NAA11: variants seen among roughly 807,000 people sequenced by gnomAD.
The protein encoded by NAA11 is N-alpha-acetyltransferase 11.
NAA11 carries 15 observed loss-of-function variants against 16.1 expected under a neutral mutation model. The observed-to-expected ratio is 0.93, with a 90% confidence interval of 0.62 to 1.44. NAA11 has a LOEUF of 1.44. Among genes scored for constraint, NAA11 ranks in the 40% most tolerant of loss-of-function variants. The pLI, the probability that NAA11 is intolerant of heterozygous loss-of-function variation, is 0.00. For missense variants in NAA11, 298 were observed against 291.3 expected (o/e 1.02, Z -0.17); for synonymous variants, 122 against 112.4 (o/e 1.09, Z -0.54).
the NAA11 span, among the ~76,000 whole-genome samples, chr4:79,210,141 C>T: frequency 4.3e-3 from 654 of 152,078 alleles, 1 homozygote; most frequent in Admixed American, 0.011. Flanking sequence ...TTGATTCACT[C>T]GGGTGCGAGT....
chr4:79,325,289 G>A lies in NAA11; in HGVS notation c.589C>T (p.Pro197Ser), dbSNP rs766302705. The change falls in exon 1 of 2, where the codon CCG becomes TCG. Residue 197 changes from proline to serine, a missense_variant. Pro to Ser is a moderately conservative substitution (Grantham distance 74, BLOSUM62 -1). Coordinates refer to ENST00000286794, the MANE Select transcript of NAA11 (RefSeq NM_032693.3). ...TCACTGCCACTTTCTTCGGTAGCCG[G>A]GTTCTTTTGCTGACAGGCCTCTTCA... ...DSEEACQQKN[P>S]ATEESGSDSK... 2.5e-6 allele frequency: 4 copies of A among 1,613,836 alleles called. No individual in the cohort carries two copies. In the South Asian group the frequency reaches 4.4e-5, roughly 18 times the overall value.
intron 2 of NAA11, among the ~76,000 whole-genome samples, chr4:79,236,399 C>T (rs1252053912): frequency 6.6e-6 from 1 of 151,792 alleles, no homozygotes; most frequent in African/African-American, 2.4e-5. Context: ...AAATAACAAA[C>T]CTCCCCTTAA....
chr4:79,298,223 C>T (rs1299746242), intron 1 of NAA11, among the ~76,000 whole-genome samples: 2 of 152,228 alleles, frequency 1.3e-5, no homozygotes, highest in East Asian at 3.9e-4. Flanking sequence ...CGCTCCTCTT[C>T]GTCTTGCTCA....
At chr4:79,272,560 C>A (rs6839925) in intron 2 of NAA11, among the ~76,000 whole-genome samples, 1 of 151,054 alleles carries the variant, frequency 6.6e-6, no homozygotes, top group Non-Finnish European at 1.5e-5. Flanking sequence ...CATTATAAGC[C>A]CTTAACTTTT....
intron 2 of NAA11, among the ~76,000 whole-genome samples, chr4:79,289,657 G>C (rs1723034072): frequency 2.6e-5 from 4 of 152,070 alleles, no homozygotes; most frequent in Admixed American, 1.3e-4. Flanking sequence ...TTTGAATTCA[G>C]AACAGTATGA....
At chr4:79,292,202 A>T (rs906265145) in intron 2 of NAA11, among the ~76,000 whole-genome samples, 1 of 152,210 alleles carries the variant, frequency 6.6e-6, no homozygotes, top group African/African-American at 2.4e-5. Context: ...TTTGACACAC[A>T]GCCTCTTCTT....
chr4:79,200,274 G>T, the NAA11 span, among the ~76,000 whole-genome samples: 1 of 151,734 alleles, frequency 6.6e-6, no homozygotes, highest in African/African-American at 2.4e-5. Context: ...AAACTCAGAA[G>T]AATACTTGAC....
At chr4:79,248,853 C>T (rs1216312069) in intron 2 of NAA11, among the ~76,000 whole-genome samples, 2 of 152,220 alleles carry the variant, frequency 1.3e-5, no homozygotes, top group Admixed American at 6.5e-5. Context: ...CTGCCTTAAC[C>T]CACAAGCATG....
the NAA11 span, among the ~76,000 whole-genome samples, chr4:79,193,776 G>C: frequency 6.6e-6 from 1 of 152,182 alleles, no homozygotes; most frequent in African/African-American, 2.4e-5. Flanking sequence ...GTCCTTGGTA[G>C]TTTGATGGGG....
At chr4:79,189,155 A>AACAAAAAAAAAAAAAAAAC in the NAA11 span, among the ~76,000 whole-genome samples, 1 of 146,828 alleles carries the variant, frequency 6.8e-6, no homozygotes, top group Non-Finnish European at 1.5e-5. Flanking sequence ...CAAAAAAAAA[A>AACAAAAAAAAAAAAAAAAC]AAAAAAAAAC....
At chr4:79,254,462 T>C (rs556576368) in intron 2 of NAA11, among the ~76,000 whole-genome samples, 33 of 152,316 alleles carry the variant, frequency 2.2e-4, no homozygotes, top group African/African-American at 7.2e-4. Flanking sequence ...ATCTAGTTTG[T>C]ATAACATAGC....
chr4:79,297,155 G>T lies in NAA11; in HGVS notation c.*13-3041C>A, dbSNP rs554939153. Among the ~76,000 whole-genome samples the T allele has an allele frequency of 8.5e-5, 13 of 152,330 alleles. No homozygotes were observed. In the South Asian group the frequency reaches 2.7e-3, roughly 32 times the overall value. On this transcript the variant is annotated intron_variant and NMD_transcript_variant, in intron 1 of 2. Coordinates refer to the NAA11 transcript ENST00000511542. The stretch of plus-strand genomic sequence containing the variant: ...GTTGCCGCTGTCGCCTGCCACCGTT[G>T]TGGGGAGGGTGTGGGGAGGAGGCAG...
intron 2 of NAA11, among the ~76,000 whole-genome samples, chr4:79,262,791 G>A (rs193155905): frequency 1.2e-4 from 18 of 152,084 alleles, no homozygotes; most frequent in Non-Finnish European, 2.1e-4. Context: ...TGTTCTAAAG[G>A]GCATAAATAT....
the NAA11 span, among the ~76,000 whole-genome samples, chr4:79,190,188 T>C: frequency 1.3e-5 from 2 of 152,222 alleles, no homozygotes; most frequent in Non-Finnish European, 2.9e-5. Context: ...AACTTGAAAG[T>C]TATTCTTCTG....
rs940399135 is a variant in NAA11 at position 79,234,278 on chromosome 4, T to G, written c.*123-8008A>C. 4.6e-5 allele frequency among the ~76,000 whole-genome samples: 7 copies of G among 152,272 alleles called. No homozygotes were observed. The East Asian group carries it at 1.2e-3, about 25-fold the overall frequency. On this transcript the variant is annotated intron_variant and NMD_transcript_variant, in intron 2 of 2. Coordinates refer to the NAA11 transcript ENST00000511542. The stretch of plus-strand genomic sequence containing the variant: ...GGATTAAATCCAGAATTGTTAATTA[T>G]TTGAGTAAAGTTTCAGTCTTGTAAG...
At chr4:79,249,384 G>C (rs1055628847) in intron 2 of NAA11, among the ~76,000 whole-genome samples, 1 of 152,168 alleles carries the variant, frequency 6.6e-6, no homozygotes, top group Admixed American at 6.5e-5. Flanking sequence ...AAAACAATAC[G>C]TGAGCTGATG....
At chr4:79,244,344 A>T (rs1157922789) in intron 2 of NAA11, among the ~76,000 whole-genome samples, 1 of 152,056 alleles carries the variant, frequency 6.6e-6, no homozygotes, top group Admixed American at 6.5e-5. Flanking sequence ...ACTAAGCCAT[A>T]GGCATCAGTA....
At chr4:79,187,819 AC>A in the NAA11 span, among the ~76,000 whole-genome samples, 1 of 151,752 alleles carries the variant, frequency 6.6e-6, no homozygotes, top group Non-Finnish European at 1.5e-5. Flanking sequence ...ACACGGTGAA[AC>A]CCCGTCACTA....
At chr4:79,273,058 TG>T (rs778174677) in intron 2 of NAA11, among the ~76,000 whole-genome samples, 7 of 151,872 alleles carry the variant, frequency 4.6e-5, no homozygotes, top group Non-Finnish European at 8.8e-5. Context: ...AAATAGAAAC[TG>T]CCAGTCCTCT....
Sources: gnomAD v4.1 joint callset for allele counts (sites outside exome capture counted in the v4.1 genomes callset) on GRCh38, gnomAD v4.1.1 for gene constraint, MANE v1.5 for transcripts, NCBI Gene and HGNC (gene_info 2026-07-23, HGNC 2026-07-21) for gene names.